CDK14: variants seen among roughly 807,000 people sequenced by gnomAD.
CDK14 encodes the protein cyclin dependent kinase 14, also known as cyclin-dependent kinase 14.
A neutral mutation model predicts 60.7 loss-of-function variants in CDK14; 34 were observed. That is an observed-to-expected ratio of 0.56 (90% confidence interval 0.43 to 0.75). CDK14 has a LOEUF of 0.75. CDK14 is among the 30% of genes least tolerant of loss of function. The pLI is 0.00. For synonymous variants in CDK14, 197 were observed against 203.7 expected, an observed-to-expected ratio of 0.97 and a Z score of 0.28; for missense variants, 482 against 564.1, an observed-to-expected ratio of 0.85 and a Z score of 1.47.
intron 2 of CDK14, among the ~76,000 whole-genome samples, chr7:90,641,635 G>A (rs576195581): frequency 6.6e-6 from 1 of 152,180 alleles, no homozygotes; most frequent in South Asian, 2.1e-4. Context: ...GTAGTGGTGG[G>A]GAGGAGATGA....
At chr7:90,629,031 A>T (rs1799936418) in intron 2 of CDK14, among the ~76,000 whole-genome samples, 3 of 152,174 alleles carry the variant, frequency 2.0e-5, no homozygotes, top group African/African-American at 7.2e-5. Context: ...ACATTAAAAA[A>T]AATGTAGTGA....
At chr7:90,912,290 G>A (rs1792932107) in intron 7 of CDK14, among the ~76,000 whole-genome samples, 1 of 152,078 alleles carries the variant, frequency 6.6e-6, no homozygotes, top group African/African-American at 2.4e-5. Flanking sequence ...GATTTTGAAT[G>A]GCAAAGACAG....
intron 2 of CDK14, among the ~76,000 whole-genome samples, chr7:90,689,169 G>A (rs1312472013): frequency 6.6e-6 from 1 of 152,150 alleles, no homozygotes; most frequent in Non-Finnish European, 1.5e-5. Flanking sequence ...AGCAGATATG[G>A]CTGAATGTGG....
chr7:90,958,722 T>A (rs767757032), intron 9 of CDK14, among the ~76,000 whole-genome samples: 3 of 152,152 alleles, frequency 2.0e-5, no homozygotes, highest in Non-Finnish European at 2.9e-5. Context: ...TTACTTAAGA[T>A]TCTTGTGTTA....
At chr7:90,977,993 C>T (rs1023205045) in intron 9 of CDK14, among the ~76,000 whole-genome samples, 1 of 152,054 alleles carries the variant, frequency 6.6e-6, no homozygotes, top group Admixed American at 6.6e-5. Flanking sequence ...GGGTGAGACA[C>T]TGGGGCTGGG....
intron 10 of CDK14, among the ~76,000 whole-genome samples, chr7:91,022,701 T>C (rs764386869): frequency 2.0e-5 from 3 of 152,236 alleles, no homozygotes; most frequent in Non-Finnish European, 4.4e-5. Context: ...CATATACTTA[T>C]AATACATGCA....
intron 2 of CDK14, among the ~76,000 whole-genome samples, chr7:90,688,166 G>A (rs1008762829): frequency 2.0e-5 from 3 of 152,178 alleles, no homozygotes; most frequent in Admixed American, 1.3e-4. Context: ...TATCATAGCA[G>A]TCAGAACACA....
intron 5 of CDK14, among the ~76,000 whole-genome samples, chr7:90,798,531 T>C (rs1014737654): frequency 2.0e-5 from 3 of 152,210 alleles, no homozygotes; most frequent in Non-Finnish European, 4.4e-5. Flanking sequence ...TTTGCCCCTC[T>C]TCTGCTGTGT....
intron 14 of CDK14, among the ~76,000 whole-genome samples, chr7:91,205,246 A>G (rs894308717): frequency 2.0e-5 from 3 of 152,254 alleles, no homozygotes; most frequent in African/African-American, 7.2e-5. Flanking sequence ...GAATATTCAG[A>G]GCAGCACTAT....
At chr7:91,076,143 A>T (rs1489175476) in intron 11 of CDK14, among the ~76,000 whole-genome samples, 1 of 151,200 alleles carries the variant, frequency 6.6e-6, no homozygotes, top group Non-Finnish European at 1.5e-5. Context: ...TATAAAACCA[A>T]AAAAGAGCCT....
At chr7:91,003,033 C>T (rs1795884268) in intron 10 of CDK14, among the ~76,000 whole-genome samples, 1 of 152,212 alleles carries the variant, frequency 6.6e-6, no homozygotes, top group Admixed American at 6.5e-5. Flanking sequence ...GATCACGCCA[C>T]TGCACTCCAG....
intron 14 of CDK14, among the ~76,000 whole-genome samples, chr7:91,136,204 T>G (rs1046894251): frequency 1.3e-5 from 2 of 152,204 alleles, no homozygotes; most frequent in East Asian, 3.9e-4. Flanking sequence ...CTGACTTTGA[T>G]CTGTGTCCAG....
chr7:90,649,608 C>T (rs1284612257), intron 2 of CDK14, among the ~76,000 whole-genome samples: 1 of 151,494 alleles, frequency 6.6e-6, no homozygotes, highest in African/African-American at 2.4e-5. Context: ...TCTCCCTCCC[C>T]CTGCACCCCA....
chr7:90,689,168 G>T (rs1422040391), intron 2 of CDK14, among the ~76,000 whole-genome samples: 1 of 152,096 alleles, frequency 6.6e-6, no homozygotes, highest in East Asian at 1.9e-4. Flanking sequence ...AAGCAGATAT[G>T]GCTGAATGTG....
At chr7:90,830,881 T>C (rs1789891637) in intron 5 of CDK14, among the ~76,000 whole-genome samples, 1 of 152,212 alleles carries the variant, frequency 6.6e-6, no homozygotes, top group Non-Finnish European at 1.5e-5. Flanking sequence ...TGCTAAAGCA[T>C]AGCAAGAGTG....
At chr7:91,156,541 AT>A (rs1800989219) in intron 14 of CDK14, among the ~76,000 whole-genome samples, 1 of 152,076 alleles carries the variant, frequency 6.6e-6, no homozygotes, top group Non-Finnish European at 1.5e-5. Flanking sequence ...ATGAATAAAG[AT>A]GAGTTATCGG....
At chr7:91,079,876 A>C (rs932921193) in intron 12 of CDK14, among the ~76,000 whole-genome samples, 11 of 152,172 alleles carry the variant, frequency 7.2e-5, no homozygotes, top group African/African-American at 2.7e-4. Context: ...AGATTTTTTC[A>C]CTTCGCATAT....
At chr7:90,988,062 C>T (rs1795421318) in intron 10 of CDK14, among the ~76,000 whole-genome samples, 1 of 152,164 alleles carries the variant, frequency 6.6e-6, no homozygotes, top group Non-Finnish European at 1.5e-5. Flanking sequence ...TTAGCTCCCA[C>T]ACACTGAGTC....
chr7:90,952,028 T>C (rs868636550), intron 8 of CDK14, among the ~76,000 whole-genome samples: 1 of 152,112 alleles, frequency 6.6e-6, no homozygotes, highest in Non-Finnish European at 1.5e-5. Flanking sequence ...TATATAACCA[T>C]AGGCAAAACC....
Sources: allele counts gnomAD v4.1 joint callset (sites outside exome capture counted in the v4.1 genomes callset), GRCh38; gene constraint gnomAD v4.1.1; transcripts MANE v1.5; gene names NCBI Gene and HGNC (gene_info 2026-07-23, HGNC 2026-07-21).